RNF216: variants seen among roughly 807,000 people sequenced by gnomAD.
RNF216 encodes ring finger protein 216.
Under a neutral mutation model 110.8 loss-of-function variants are expected in RNF216, and 72 were observed. The ratio of observed to expected loss-of-function variants is 0.65; its 90% CI spans 0.54 to 0.79. The LOEUF (loss-of-function observed/expected upper bound fraction) is 0.79. Ranked by LOEUF, RNF216 falls within the 30% of genes least tolerant of loss-of-function variation. The probability of loss-of-function intolerance (pLI) is 0.00; values close to 1 mark genes in which losing one functional copy is unlikely to be tolerated. For synonymous variants in RNF216, 495 were observed against 407.5 expected (o/e 1.21, Z -2.59); for missense variants, 1,342 against 1,141.2 (o/e 1.18, Z -2.54).
At chr7:5,780,512 C>A (rs1310235005) in intron 1 of RNF216, among the ~76,000 whole-genome samples, 2 of 152,132 alleles carry the variant, frequency 1.3e-5, no homozygotes, top group African/African-American at 2.4e-5. Flanking sequence ...GCCTGGCCAA[C>A]ACGGAGAAAT....
intron 4 of RNF216, chr7:5,739,618 A>G (rs986933919): frequency 5.1e-5 from 28 of 548,078 alleles, no homozygotes; most frequent in African/African-American, 4.7e-4. Context: ...AATATTGAGC[A>G]TCTCTGTCTA....
intron 13 of RNF216, among the ~76,000 whole-genome samples, chr7:5,668,360 A>G (rs1789665913): frequency 6.6e-6 from 1 of 151,600 alleles, no homozygotes; most frequent in African/African-American, 2.4e-5. Context: ...AGTAGTTGGG[A>G]CTATAGGCAC....
intron 5 of RNF216, among the ~76,000 whole-genome samples, chr7:5,731,651 T>C (rs921277599): frequency 1.3e-5 from 2 of 151,266 alleles, no homozygotes; most frequent in African/African-American, 4.9e-5. Flanking sequence ...CAAGGAAGCT[T>C]CTTTGCTCGG....
At chr7:5,716,862 C>T (rs938135092) in intron 9 of RNF216, 96 bp from the exon 10 acceptor site, 4 of 932,764 alleles carry the variant, frequency 4.3e-6, no homozygotes, top group African/African-American at 3.3e-5. Flanking sequence ...TCCAGTATTG[C>T]GATCTCTTCA....
At chr7:5,661,520 C>T (rs1042390263) in intron 13 of RNF216, among the ~76,000 whole-genome samples, 1 of 152,054 alleles carries the variant, frequency 6.6e-6, no homozygotes, top group Admixed American at 6.6e-5. Context: ...AAAGTAAATA[C>T]GGCTGGGCAT....
intron 15 of RNF216, among the ~76,000 whole-genome samples, chr7:5,634,121 G>A (rs573568691): frequency 5.9e-5 from 9 of 152,292 alleles, no homozygotes; most frequent in South Asian, 2.1e-4. Flanking sequence ...AAGCCTTTAC[G>A]GTCCTTTTGA....
chr7:5,647,542 C>T (rs1454678846), intron 14 of RNF216, among the ~76,000 whole-genome samples: 1 of 151,832 alleles, frequency 6.6e-6, no homozygotes, highest in Non-Finnish European at 1.5e-5. Flanking sequence ...CTTTGTTGCC[C>T]AGGCTGGTCT....
chr7:5,717,308 G>C (rs1384266000), intron 9 of RNF216, among the ~76,000 whole-genome samples: 1 of 152,152 alleles, frequency 6.6e-6, no homozygotes, highest in East Asian at 1.9e-4. Flanking sequence ...AGCCGAAATC[G>C]CACCATTGCA....
chr7:5,741,305 G>A lies in RNF216; in HGVS notation c.712C>T (p.Leu238=). 6.2e-7 allele frequency: 1 copy of A among 1,614,072 alleles called. No individual in the cohort carries two copies. The highest frequency in any genetic ancestry group is 2.2e-5 in the East Asian group (1 of 44,880). Residue 238 remains leucine, a synonymous_variant, in exon 4 of 17, where the codon CTG becomes TTG. Coordinates refer to ENST00000389902, the MANE Select transcript of RNF216 (RefSeq NM_207111.4). ...CWLDHPYFQS[L]NQQPREITNQ... The stretch of plus-strand genomic sequence containing the variant: ...GTTATTTCACGGGGCTGTTGGTTCA[G>A]AGACTGGAAGTAAGGATGATCTAAC...
intron 14 of RNF216, among the ~76,000 whole-genome samples, chr7:5,645,598 T>C (rs1788002587): frequency 6.9e-6 from 1 of 144,514 alleles, no homozygotes; most frequent in Admixed American, 6.9e-5. Context: ...TTAATTTTTC[T>C]TTTTTTTTTT....
At chr7:5,722,317 T>C (rs1368365872) in intron 8 of RNF216, among the ~76,000 whole-genome samples, 3 of 152,076 alleles carry the variant, frequency 2.0e-5, no homozygotes, top group Non-Finnish European at 4.4e-5. Context: ...ATTTACTATC[T>C]GGTTCCTAAT....
intron 13 of RNF216, among the ~76,000 whole-genome samples, chr7:5,704,558 G>A (rs1472999760): frequency 2.0e-5 from 3 of 152,232 alleles, no homozygotes; most frequent in Admixed American, 2.0e-4. Context: ...CAAAAGAACT[G>A]TGTCAATTCT....
intron 13 of RNF216, among the ~76,000 whole-genome samples, chr7:5,677,277 C>T (rs1427782523): frequency 1.3e-5 from 2 of 152,328 alleles, no homozygotes; most frequent in Non-Finnish European, 2.9e-5. Context: ...TCTTTTGCTT[C>T]TGGATGTTAC....
intron 15 of RNF216, among the ~76,000 whole-genome samples, chr7:5,639,172 TAA>T (rs1435713106): frequency 1.3e-5 from 2 of 152,242 alleles, no homozygotes; most frequent in East Asian, 1.9e-4. Flanking sequence ...TAACATTCCT[TAA>T]GAGATAGGGA....
chr7:5,773,457 G>C (rs980415999), intron 1 of RNF216, among the ~76,000 whole-genome samples: 1 of 152,024 alleles, frequency 6.6e-6, no homozygotes, highest in African/African-American at 2.4e-5. Flanking sequence ...TGGCCAGGCT[G>C]GTTTCAAACT....
At position 5,624,255 on chromosome 7, in the gene RNF216, G is replaced by A; in HGVS notation, c.2383-130C>T. On this transcript the variant is annotated intron_variant, in intron 15 of 16. Transcript: ENST00000389902. The surrounding 1 kb of genome is among the most constrained non-coding windows in gnomAD (Gnocchi z 4.4). ...CCGAAGCCTGCTGCTGGCCAGTGGG[G>A]CCTGGGCTGCACACCGTTCCTTCCT... 2 of 701,690 alleles carry A rather than the reference G, an allele frequency of 2.9e-6. No homozygotes were observed. Among genetic ancestry groups the A allele is most frequent in the Non-Finnish European group, 2.4e-6 (1 of 411,986 alleles). The allele number at this position is 701,690 out of a possible 1,614,324, so 43.5% of individuals were successfully genotyped here. A position where few individuals can be genotyped will look rare whatever the true frequency, so the allele number is the denominator to read the frequency against.
At chr7:5,662,306 G>A (rs543429819) in intron 13 of RNF216, 2 of 152,254 alleles carry the variant, frequency 1.3e-5, no homozygotes, top group South Asian at 4.1e-4. Flanking sequence ...CATGTCTGGC[G>A]GTATAGCAAA....
At chr7:5,640,723 GCTTT>G (rs201641553) in intron 15 of RNF216, among the ~76,000 whole-genome samples, 2,849 of 152,268 alleles carry the variant, frequency 0.019, 40 homozygotes, top group Non-Finnish European at 0.029. Context: ...ACTTGGTCAT[GCTTT>G]CTATTTGCTA....
At chr7:5,761,922 A>C (rs573738523) in intron 1 of RNF216, among the ~76,000 whole-genome samples, 5 of 152,366 alleles carry the variant, frequency 3.3e-5, no homozygotes, top group African/African-American at 9.6e-5. Flanking sequence ...GCAATTAGCA[A>C]TACGCCCTAA....
Sources: allele counts gnomAD v4.1 joint callset (sites outside exome capture counted in the v4.1 genomes callset), GRCh38; gene constraint gnomAD v4.1.1; non-coding constraint Gnocchi (gnomAD v3.1); transcripts MANE v1.5; gene names NCBI Gene and HGNC (gene_info 2026-07-23, HGNC 2026-07-21).